Variants in STPG4 observed in about 807,000 individuals in gnomAD.
STPG4 encodes protein STPG4.
A neutral mutation model predicts 31.5 loss-of-function variants in STPG4; 41 were observed. The observed-to-expected ratio is 1.30, with a 90% CI of 1.01 to 1.69. The LOEUF (loss-of-function observed/expected upper bound fraction) is 1.69. Ranked by LOEUF, STPG4 falls within the 40% of genes most tolerant of loss-of-function variation. STPG4 has a pLI of 0.00. For missense variants in STPG4, 375 were observed against 293.4 expected (o/e 1.28, Z -2.03); for synonymous variants, 141 against 103.0 (o/e 1.37, Z -2.24).
intron 5 of STPG4, among the ~76,000 whole-genome samples, chr2:47,125,750 G>A (rs1686353539): frequency 1.3e-5 from 2 of 151,212 alleles, no homozygotes; most frequent in Non-Finnish European, 2.9e-5. Flanking sequence ...CTAGAGACAG[G>A]GTCTCCCTAT....
At chr2:47,154,938 A>G (rs2103812945) in intron 1 of STPG4, among the ~76,000 whole-genome samples, 2 of 152,252 alleles carry the variant, frequency 1.3e-5, no homozygotes, top group East Asian at 3.9e-4. Context: ...ACAAAGGGCG[A>G]AGGAGAAGGA....
chr2:47,133,620 C>T (rs1158385282), intron 3 of STPG4, among the ~76,000 whole-genome samples: 4 of 108,970 alleles, frequency 3.7e-5, no homozygotes, highest in Non-Finnish European at 5.2e-5. Flanking sequence ...TCTTGTCGCC[C>T]AGGCTGGAGT....
chr2:47,088,373 A>G (rs1275945910), intron 6 of STPG4, among the ~76,000 whole-genome samples: 1 of 152,220 alleles, frequency 6.6e-6, no homozygotes, highest in Non-Finnish European at 1.5e-5. Flanking sequence ...ACATGCACAT[A>G]TTCTTGAAGT....
At chr2:47,150,980 C>T (rs544419518) in intron 3 of STPG4, among the ~76,000 whole-genome samples, 88 of 152,126 alleles carry the variant, frequency 5.8e-4, no homozygotes, top group Non-Finnish European at 1.0e-3. Context: ...GATAAGATCC[C>T]AGGTGCTCTC....
At chr2:47,132,589 T>C (rs770405682) in intron 3 of STPG4, among the ~76,000 whole-genome samples, 1 of 152,220 alleles carries the variant, frequency 6.6e-6, no homozygotes, top group Non-Finnish European at 1.5e-5. Flanking sequence ...CTTGACATCA[T>C]AAACACCAAG....
intron 5 of STPG4, chr2:47,108,812 T>A (rs1259259237): frequency 6.6e-6 from 1 of 152,256 alleles, no homozygotes; most frequent in Non-Finnish European, 1.5e-5. Context: ...CTGATTACAG[T>A]GATTGGCCCA....
At chr2:47,120,683 T>C (rs1211475287) in intron 5 of STPG4, among the ~76,000 whole-genome samples, 1 of 152,164 alleles carries the variant, frequency 6.6e-6, no homozygotes, top group Non-Finnish European at 1.5e-5. Context: ...TAAGAGGTCA[T>C]AGGGGTAGCA....
chr2:47,113,036 A>G (rs544796489), intron 5 of STPG4, among the ~76,000 whole-genome samples: 1 of 152,108 alleles, frequency 6.6e-6, no homozygotes, highest in East Asian at 1.9e-4. Context: ...ATTAGAAGAA[A>G]TTAAAGTGAA....
chr2:47,092,761 G>A (rs551486238), intron 5 of STPG4, among the ~76,000 whole-genome samples: 30 of 151,256 alleles, frequency 2.0e-4, no homozygotes, highest in African/African-American at 6.3e-4. Flanking sequence ...CACAGTTTTC[G>A]CAGAAGAAGC....
At chr2:47,124,537 G>T (rs566346984) in intron 5 of STPG4, among the ~76,000 whole-genome samples, 1 of 151,946 alleles carries the variant, frequency 6.6e-6, no homozygotes, top group Non-Finnish European at 1.5e-5. Context: ...TTGCCTTTCC[G>T]TGCATGGCTT....
chr2:47,155,052 A>C, intron 1 of STPG4, 119 bp downstream of exon 1: 2 of 853,706 alleles, frequency 2.3e-6, no homozygotes, highest in Non-Finnish European at 3.8e-6. Flanking sequence ...CAGGGAGAGA[A>C]GGGTAGGAAG....
At chr2:47,098,306 A>G (rs1287088638) in intron 5 of STPG4, among the ~76,000 whole-genome samples, 1 of 152,150 alleles carries the variant, frequency 6.6e-6, no homozygotes, top group Non-Finnish European at 1.5e-5. Context: ...ACTTCACAGC[A>G]TTCTTTCATA....
At chr2:47,093,906 G>A (rs1685621909) in intron 5 of STPG4, among the ~76,000 whole-genome samples, 1 of 152,250 alleles carries the variant, frequency 6.6e-6, no homozygotes, top group Non-Finnish European at 1.5e-5. Flanking sequence ...CCCTGCAATG[G>A]CCGGGCAACA....
intron 5 of STPG4, among the ~76,000 whole-genome samples, chr2:47,096,963 GCCA>G (rs1170673533): frequency 2.6e-5 from 4 of 152,102 alleles, no homozygotes; most frequent in African/African-American, 9.7e-5. Context: ...GTGAGGGGAG[GCCA>G]CGGGGAGAGG....
intron 5 of STPG4, among the ~76,000 whole-genome samples, chr2:47,104,445 T>G (rs192428070): frequency 3.3e-5 from 5 of 152,108 alleles, no homozygotes; most frequent in Admixed American, 3.3e-4. Flanking sequence ...TATATCCAGT[T>G]GTACCCAACC....
chr2:47,101,553 GC>G (rs1235959210), intron 5 of STPG4, among the ~76,000 whole-genome samples: 1 of 151,738 alleles, frequency 6.6e-6, no homozygotes, highest in Non-Finnish European at 1.5e-5. Context: ...TGTCTCTGGT[GC>G]TTTTTTAGTT....
chr2:47,088,331 T>G (rs1685500511), intron 6 of STPG4, among the ~76,000 whole-genome samples: 1 of 152,214 alleles, frequency 6.6e-6, no homozygotes, highest in African/African-American at 2.4e-5. Context: ...AGACTTCAAT[T>G]TCTTAGGTCG....
rs565193493 is a variant in STPG4, at chr2:47,142,286, T to A, written c.399+8972A>T. Among the ~76,000 whole-genome samples the A allele has an allele frequency of 2.0e-5, 3 of 151,678 alleles. No individual in the cohort carries two copies. The South Asian group carries it at 6.3e-4, about 32-fold the overall frequency. On this transcript the variant is annotated intron_variant, in intron 3 of 6. Transcript: ENST00000445927. ...ACCTCTTTTTGACCAAAAAAAAAGA[T>A]ACAGGGGCAGGGAGGGAATAGAATT...
At chr2:47,116,720 A>T (rs1168017759) in intron 5 of STPG4, among the ~76,000 whole-genome samples, 1 of 152,218 alleles carries the variant, frequency 6.6e-6, no homozygotes, top group Non-Finnish European at 1.5e-5. Flanking sequence ...CTGATAGGTC[A>T]CTAATGCCTT....
Sources: gnomAD v4.1 joint callset for allele counts (sites outside exome capture counted in the v4.1 genomes callset) on GRCh38, gnomAD v4.1.1 for gene constraint, MANE v1.5 for transcripts, NCBI Gene and HGNC (gene_info 2026-07-23, HGNC 2026-07-21) for gene names.